Variants in DGKI observed in about 807,000 individuals in gnomAD.
DGKI encodes DAG kinase iota.
Under a neutral mutation model 147.5 loss-of-function variants are expected in DGKI, and 55 were observed. The ratio of observed to expected loss-of-function variants is 0.37; its 90% CI spans 0.30 to 0.47. The LOEUF (loss-of-function observed/expected upper bound fraction) is 0.47. Among genes scored for constraint, DGKI ranks in the 20% least tolerant of loss-of-function variants. The probability of loss-of-function intolerance (pLI) is 1.00; values close to 1 mark genes in which losing one functional copy is unlikely to be tolerated. For synonymous variants in DGKI, 469 were observed against 477.1 expected, an observed-to-expected ratio of 0.98 and a Z score of 0.22; for missense variants, 1,007 against 1,323.8, an observed-to-expected ratio of 0.76 and a Z score of 3.71.
chr7:137,580,103 C>A (rs953229090), intron 15 of DGKI, among the ~76,000 whole-genome samples: 3 of 152,044 alleles, frequency 2.0e-5, no homozygotes, highest in Admixed American at 1.3e-4. Context: ...TCATTGAGCT[C>A]ATTGAATGAG....
At chr7:137,531,020 T>C (rs759915906) in intron 20 of DGKI, among the ~76,000 whole-genome samples, 13 of 152,168 alleles carry the variant, frequency 8.5e-5, no homozygotes, top group Non-Finnish European at 1.6e-4. Flanking sequence ...TAAAAAAGTA[T>C]TTTAAGGTAG....
chr7:137,829,037 C>A (rs368582238), intron 1 of DGKI, among the ~76,000 whole-genome samples: 1 of 152,180 alleles, frequency 6.6e-6, no homozygotes, highest in Non-Finnish European at 1.5e-5. Flanking sequence ...CTTCCCATAA[C>A]CTTTATTCTA....
chr7:137,410,459 A>G (rs1172863093), intron 29 of DGKI, among the ~76,000 whole-genome samples: 2 of 152,248 alleles, frequency 1.3e-5, no homozygotes, highest in African/African-American at 4.8e-5. Context: ...CATTTAGGAA[A>G]GAATTATAAC....
At chr7:137,447,015 A>T (rs752869362) in intron 27 of DGKI, among the ~76,000 whole-genome samples, 2 of 152,210 alleles carry the variant, frequency 1.3e-5, no homozygotes, top group Non-Finnish European at 2.9e-5. Flanking sequence ...TATTACTAGC[A>T]TTCTTATAGC....
chr7:137,481,226 C>A (rs1815361574), intron 23 of DGKI, among the ~76,000 whole-genome samples: 1 of 152,152 alleles, frequency 6.6e-6, no homozygotes, highest in Non-Finnish European at 1.5e-5. Context: ...GGAGCAAATT[C>A]TTCCCAGCTG....
At position 137,446,681 on chromosome 7, in the gene DGKI, G is replaced by A. The variant is rs10247941; in HGVS notation, c.2736-2579C>T. ...GCAGAGGTTGCAGTGAGCCGAGACC[G>A]CGCCATTGCACTCCAGCCTGGGTGA... On this transcript the variant is annotated intron_variant, in intron 27 of 32. Transcript: ENST00000614521. Among the ~76,000 whole-genome samples, 1,292 of 152,112 alleles carry A rather than the reference G, an allele frequency of 8.5e-3. 16 individuals are homozygous for A. The highest frequency in any genetic ancestry group is 0.029 in the African/African-American group (1,222 of 41,484).
chr7:137,441,095 C>T (rs531818235), intron 28 of DGKI, among the ~76,000 whole-genome samples: 23 of 152,186 alleles, frequency 1.5e-4, no homozygotes, highest in African/African-American at 4.1e-4. Flanking sequence ...TGGATGCTAG[C>T]GAATAATACT....
intron 3 of DGKI, among the ~76,000 whole-genome samples, chr7:137,677,710 T>C (rs114727686): frequency 0.016 from 2,395 of 152,294 alleles, 63 homozygotes; most frequent in African/African-American, 0.056. Flanking sequence ...TTCTTTCACA[T>C]AATAAACAAA....
At chr7:137,399,858 C>T (rs958726287) in intron 30 of DGKI, among the ~76,000 whole-genome samples, 4 of 150,792 alleles carry the variant, frequency 2.7e-5, no homozygotes, top group South Asian at 2.1e-4. Flanking sequence ...TGCAGTGAGC[C>T]AAGATTGTGC....
Position 137,385,262 on chromosome 7 carries a change from A to G in DGKI, c.*5958T>C, listed in dbSNP as rs904592374. The G allele has an allele frequency of 1.3e-5, 2 of 152,100 alleles. No homozygotes were observed. Among genetic ancestry groups the G allele is most frequent in the African/African-American group, 4.8e-5 (2 of 41,444 alleles). The allele number at this position is 152,100 out of a possible 1,614,324, so 9.4% of individuals were successfully genotyped here. A position where few individuals can be genotyped will look rare whatever the true frequency, so the allele number is the denominator to read the frequency against. The stretch of plus-strand genomic sequence containing the variant: ...TCATGCTTAGTTTAAAATTTTTTAA[A>G]TGATAACTAACGGCCATTCCCCTAG... On this transcript the variant is annotated 3_prime_UTR_variant, in exon 33 of 33. Coordinates refer to ENST00000614521, the MANE Select transcript of DGKI (RefSeq NM_001321708.2).
intron 10 of DGKI, among the ~76,000 whole-genome samples, chr7:137,605,029 T>C (rs1418437401): frequency 6.6e-6 from 1 of 152,054 alleles, no homozygotes; most frequent in African/African-American, 2.4e-5. Flanking sequence ...AAAGTTGAAA[T>C]TTTTGGCTGG....
intron 1 of DGKI, among the ~76,000 whole-genome samples, chr7:137,746,391 G>A (rs1795332010): frequency 6.6e-6 from 1 of 152,176 alleles, no homozygotes; most frequent in Non-Finnish European, 1.5e-5. Flanking sequence ...GGTCCCCATG[G>A]TGGCATGATT....
At chr7:137,716,799 C>A (rs778625187) in intron 1 of DGKI, among the ~76,000 whole-genome samples, 63 of 152,358 alleles carry the variant, frequency 4.1e-4, no homozygotes, top group Non-Finnish European at 8.5e-4. Flanking sequence ...TTAAACATTT[C>A]ACAGTACGAT....
At chr7:137,435,669 T>C (rs534689280) in intron 28 of DGKI, among the ~76,000 whole-genome samples, 1 of 152,312 alleles carries the variant, frequency 6.6e-6, no homozygotes, top group South Asian at 2.1e-4. Context: ...AGCAACTTTA[T>C]ATTTATGATA....
chr7:137,682,065 G>A (rs769460984), intron 2 of DGKI, among the ~76,000 whole-genome samples: 1 of 152,146 alleles, frequency 6.6e-6, no homozygotes, highest in South Asian at 2.1e-4. Context: ...GGAAAGGACT[G>A]TAATAAACCA....
At chr7:137,484,240 G>A (rs1479093410) in intron 23 of DGKI, among the ~76,000 whole-genome samples, 1 of 151,980 alleles carries the variant, frequency 6.6e-6, no homozygotes, top group Admixed American at 6.6e-5. Context: ...CATTGGTAGG[G>A]GGAATACCTA....
intron 1 of DGKI, among the ~76,000 whole-genome samples, chr7:137,763,026 T>G (rs559375595): frequency 1.3e-5 from 2 of 152,250 alleles, no homozygotes; most frequent in Admixed American, 6.5e-5. Context: ...TTGATTTCCA[T>G]GTTCTCTTTA....
intron 30 of DGKI, 112 bp from the exon 31 acceptor site, chr7:137,397,525 A>G: frequency 2.1e-6 from 2 of 953,502 alleles, no homozygotes; most frequent in Non-Finnish European, 3.2e-6. Context: ...ATTTGGGGAT[A>G]GGAATAATAA....
intron 8 of DGKI, among the ~76,000 whole-genome samples, chr7:137,610,475 G>A (rs1337937410): frequency 3.3e-5 from 5 of 152,176 alleles, no homozygotes; most frequent in Non-Finnish European, 7.3e-5. Context: ...ATAGGGATCA[G>A]TCACAACCCA....
Sources: allele counts gnomAD v4.1 joint callset (sites outside exome capture counted in the v4.1 genomes callset), GRCh38; gene constraint gnomAD v4.1.1; transcripts MANE v1.5; gene names NCBI Gene and HGNC (gene_info 2026-07-23, HGNC 2026-07-21).